ERMAP: variants seen among roughly 807,000 people sequenced by gnomAD.
ERMAP encodes the protein erythroblast membrane associated protein (Scianna blood group).
Under a neutral mutation model 49.5 loss-of-function variants are expected in ERMAP, and 34 were observed. That is an observed-to-expected ratio of 0.69 (90% CI 0.52 to 0.91). The LOEUF (loss-of-function observed/expected upper bound fraction) is 0.91. Among genes scored for constraint, ERMAP ranks in the 40% least tolerant of loss-of-function variants. ERMAP has a pLI of 0.00. For synonymous variants in ERMAP, 214 were observed against 232.2 expected (o/e 0.92, Z 0.71); for missense variants, 541 against 582.6 (o/e 0.93, Z 0.74).
At chr1:42,825,509 G>C in intron 1 of ERMAP, 114 bp from the exon 2 acceptor site, 1 of 1,192,510 alleles carries the variant, frequency 8.4e-7, no homozygotes, top group Non-Finnish European at 1.1e-6. Flanking sequence ...CATACAGACA[G>C]GGTGTGGCTT....
At chr1:42,821,001 C>G (rs1309958929) in intron 1 of ERMAP, among the ~76,000 whole-genome samples, 2 of 152,218 alleles carry the variant, frequency 1.3e-5, no homozygotes, top group Non-Finnish European at 2.9e-5. Context: ...TGAGAATCAG[C>G]TTTCTTCTTG....
At position 42,840,166 on chromosome 1, in the gene ERMAP, G is replaced by T. The variant is rs1187466581; in HGVS notation, c.673G>T (p.Ala225Ser). 3 of 1,614,162 alleles carry T rather than the reference G, an allele frequency of 1.9e-6. No individual in the cohort carries two copies. Among genetic ancestry groups the T allele is most frequent in the Non-Finnish European group, 2.5e-6 (3 of 1,180,020 alleles). The change falls in exon 10 of 12, where the codon GCA (alanine) becomes TCA (serine). Residue 225 changes from alanine (A) to serine (S), a missense_variant. Coordinates refer to ENST00000372517, the MANE Select transcript of ERMAP (RefSeq NM_001017922.2). ...TTCTTTCATAGAGTTGAAAAGAGCT[G>T]CAGCAAACTCAGGTGAGATGCACTT... ...LRSELKLKRA[A>S]ANSGWRRARL...
chr1:42,830,950 C>T lies in ERMAP; in HGVS notation c.268C>T (p.Leu90=). Residue 90 remains leucine (L), a synonymous_variant, in exon 4 of 12, where the codon CTG becomes TTG. Transcript: ENST00000372517. ...GGATGGGAAGGACCAGGATGAAGAT[C>T]TGATGCCGGAATATAAGGGGAGGAC... ...FRDGKDQDED[L]MPEYKGRTVL... 6.2e-7 allele frequency: 1 copy of T among 1,614,184 alleles called. No individual in the cohort carries two copies. Among genetic ancestry groups the T allele is most frequent in the Non-Finnish European group, 8.5e-7 (1 of 1,180,032 alleles).
At position 42,830,468 on chromosome 1, in the gene ERMAP, C is replaced by T. The variant is rs1324019887; in HGVS notation, c.20C>T (p.Ala7Val). The change falls in exon 3 of 12, where the codon GCT (alanine) becomes GTT (valine). Residue 7 changes from alanine to valine, a missense_variant. Physicochemically the swap from Ala to Val is moderately conservative, Grantham distance 64. Coordinates refer to ENST00000372517, the MANE Select transcript of ERMAP (RefSeq NM_001017922.2). Reference sequence around the variant, plus strand: ...GTTCGGATGGAGATGGCGAGTTCTGCTGGCTCCTGGCTCTCTGGCTGCCTC... The same window carrying T: ...GTTCGGATGGAGATGGCGAGTTCTGTTGGCTCCTGGCTCTCTGGCTGCCTC... MEMASSAGSWLSGCLIP... is the reference protein window; with the variant it reads MEMASSVGSWLSGCLIP... 2 of 1,614,048 alleles carry T rather than the reference C, an allele frequency of 1.2e-6. No individual in the cohort carries two copies. Among genetic ancestry groups the T allele is most frequent in the East Asian group, 2.2e-5 (1 of 44,896 alleles).
At position 42,843,534 on chromosome 1, in the gene ERMAP, G is replaced by A. The variant is rs886425041; in HGVS notation, c.*302G>A. 1.6e-5 allele frequency: 4 copies of A among 256,940 alleles called. No individual in the cohort carries two copies. The highest frequency in any genetic ancestry group is 6.7e-5 in the African/African-American group (3 of 44,968). 15.9% of individuals were successfully genotyped at this position (256,940 alleles called of 1,614,324 possible). ...ATACAGCACAGGTTCAGGGAAAAGA[G>A]TTCGCTACTCCAGGGGTTATTTAGA... On this transcript the variant is annotated 3_prime_UTR_variant, in exon 12 of 12. Transcript: ENST00000372517.
chr1:42,832,179 A>ATTTTTTTTTTTTTTTTTT (rs75673269), intron 4 of ERMAP, among the ~76,000 whole-genome samples: 1 of 96,710 alleles, frequency 1.0e-5, no homozygotes, highest in African/African-American at 4.8e-5. Context: ...GTGAAAATTA[A>ATTTTTTTTTTTTTTTTTT]TTTTTTTTTT....
intron 4 of ERMAP, among the ~76,000 whole-genome samples, chr1:42,833,848 C>T (rs948220040): frequency 6.6e-6 from 1 of 152,112 alleles, no homozygotes; most frequent in Non-Finnish European, 1.5e-5. Context: ...TGAGTCACCA[C>T]ACCTGGCCTG....
chr1:42,829,785 C>T (rs1654659939), intron 2 of ERMAP: 1 of 152,378 alleles, frequency 6.6e-6, no homozygotes, highest in South Asian at 2.1e-4. Flanking sequence ...GATTAAGAAC[C>T]CGAGGTCCAG....
Position 42,843,218 on chromosome 1 carries a change from G to A in ERMAP, c.1414G>A (p.Ala472Thr). 1.9e-6 allele frequency: 3 copies of A among 1,584,066 alleles called. No homozygotes were observed. Among genetic ancestry groups the A allele is most frequent in the Non-Finnish European group, 2.6e-6 (3 of 1,168,060 alleles). Reference protein sequence around the residue: ...DLGPALQELKAPSF With the variant: ...DLGPALQELKTPSF Reference sequence around the variant, plus strand: ...TGGCCCAGCCCTTCAGGAGCTCAAGGCTCCTTCTTTTTAGGGATATGCCAC... The same window carrying A: ...TGGCCCAGCCCTTCAGGAGCTCAAGACTCCTTCTTTTTAGGGATATGCCAC... Residue 472 changes from alanine (A) to threonine (T), a missense_variant, in exon 12 of 12, where the codon GCT (alanine) becomes ACT (threonine). Physicochemically the swap from Ala to Thr is moderately conservative, Grantham distance 58. Transcript: ENST00000372517.
intron 1 of ERMAP, among the ~76,000 whole-genome samples, chr1:42,823,803 G>C (rs866321915): frequency 2.2e-4 from 33 of 152,322 alleles, no homozygotes; most frequent in Admixed American, 1.3e-3. Context: ...AATAAAATTT[G>C]TAACTTCTAC....
Position 42,840,185 on chromosome 1 carries a change from T to C in ERMAP, c.685+7T>C, listed in dbSNP as rs753233683. ...AGAGCTGCAGCAAACTCAGGTGAGA[T>C]GCACTTTCTCCACATTTGACCACCA... On this transcript the variant is annotated splice_region_variant and intron_variant, in intron 10 of 11. Transcript: ENST00000372517. 7 of 1,614,198 alleles carry C rather than the reference T, an allele frequency of 4.3e-6. No individual in the cohort carries two copies. Among genetic ancestry groups the C allele is most frequent in the Non-Finnish European group, 1.7e-6 (2 of 1,180,024 alleles).
At chr1:42,831,180 C>T (rs995691572) in intron 4 of ERMAP, 65 bp downstream of exon 4, 2 of 1,537,748 alleles carry the variant, frequency 1.3e-6, no homozygotes, top group East Asian at 2.3e-5. Flanking sequence ...TCAGGACCTA[C>T]TTTGTCTCTC....
At chr1:42,842,410 G>T in intron 11 of ERMAP, 107 bp from the exon 12 acceptor site, 2 of 949,852 alleles carry the variant, frequency 2.1e-6, no homozygotes, top group Non-Finnish European at 3.1e-6. Flanking sequence ...ACTAAAATGG[G>T]CTAATGACAG....
intron 1 of ERMAP, among the ~76,000 whole-genome samples, chr1:42,818,863 C>T (rs1347162656): frequency 1.3e-5 from 2 of 152,042 alleles, no homozygotes; most frequent in Non-Finnish European, 2.9e-5. Context: ...AATGCTGATT[C>T]GATTATTATT....
In ERMAP at chr1:42,817,352, G is replaced by C; in HGVS notation, c.-122+99G>C. On this transcript the variant is annotated intron_variant, in intron 1 of 11. Transcript: ENST00000372517. ...GCGCCGGGGGGAGGGGCGCAGGGCCGAGCGCCAGGAGGCTTCCGCCCGCAG... is the reference window on the plus strand; with the variant it reads ...GCGCCGGGGGGAGGGGCGCAGGGCCCAGCGCCAGGAGGCTTCCGCCCGCAG... The C allele has an allele frequency of 3.9e-6, 3 of 775,326 alleles. No individual in the cohort carries two copies. In the South Asian group the frequency reaches 8.1e-5, roughly 21 times the overall value. 48.0% of individuals were successfully genotyped at this position (775,326 alleles called of 1,614,324 possible).
Position 42,844,112 on chromosome 1 carries a change from T to G in ERMAP, c.*880T>G, listed in dbSNP as rs1570551018. On this transcript the variant is annotated 3_prime_UTR_variant, in exon 12 of 12. Transcript: ENST00000372517. The surrounding 1 kb of genome is among the most constrained non-coding windows in gnomAD (Gnocchi z 4.0). The stretch of plus-strand genomic sequence containing the variant: ...GGTCCAGCTAGAAAAAGTGGCAGTT[T>G]TAACCACCAACGTAGAAGCTTTTTT... 1.0e-5 allele frequency: 4 copies of G among 398,666 alleles called. No individual in the cohort carries two copies. In the East Asian group the frequency reaches 1.4e-4, roughly 14 times the overall value. 24.7% of individuals were successfully genotyped at this position (398,666 alleles called of 1,614,324 possible).
rs1460023322 is a variant in ERMAP, at chr1:42,840,354, G to A, written c.712+58G>A. 5 of 1,607,018 alleles carry A rather than the reference G, an allele frequency of 3.1e-6. No individual in the cohort carries two copies. The African/African-American group carries it at 4.0e-5, about 13-fold the overall frequency. ...CAGAGCACTTCCTCCTTATGGCTTT[G>A]TAACCTTAGATTTTGTTCCATTCCT... On this transcript the variant is annotated intron_variant, in intron 11 of 11. Transcript: ENST00000372517.
intron 2 of ERMAP, 91 bp downstream of exon 2, chr1:42,825,829 A>T (rs1053812184): frequency 1.4e-5 from 17 of 1,237,520 alleles, no homozygotes; most frequent in African/African-American, 4.7e-5. Context: ...CTTTCTCCTT[A>T]CGCACAAGAA....
Position 42,844,483 on chromosome 1 carries a change from C to T in ERMAP, c.*1251C>T, listed in dbSNP as rs918391614. ...ATCAATATATATTGGGGCAGGGGGG[C>T]GGTGGTTATTATAAGGAATTGGCTC... On this transcript the variant is annotated 3_prime_UTR_variant, in exon 12 of 12. Coordinates refer to ENST00000372517, the MANE Select transcript of ERMAP (RefSeq NM_001017922.2). The surrounding 1 kb of genome is among the most constrained non-coding windows in gnomAD (Gnocchi z 4.0). 16 of 175,342 alleles carry T rather than the reference C, an allele frequency of 9.1e-5. No homozygotes were observed. In the East Asian group the frequency reaches 1.8e-3, roughly 19 times the overall value. The allele number at this position is 175,342 out of a possible 1,614,324, so 10.9% of individuals were successfully genotyped here.
Sources: gnomAD v4.1 joint callset for allele counts (sites outside exome capture counted in the v4.1 genomes callset) on GRCh38, gnomAD v4.1.1 for gene constraint, Gnocchi (gnomAD v3.1) non-coding constraint, MANE v1.5 for transcripts, NCBI Gene and HGNC (gene_info 2026-07-23, HGNC 2026-07-21) for gene names.